The following EDIL3 variants were observed in gnomAD, a reference collection of about 807,000 sequenced individuals.
EDIL3 encodes EGF like and discoidin domains 3.
In EDIL3, 37 loss-of-function variants were observed where a neutral mutation model predicts 67.4. That is an observed-to-expected ratio of 0.55 (90% CI 0.42 to 0.72). EDIL3 has a LOEUF of 0.72. Among genes scored for constraint, EDIL3 ranks in the 30% least tolerant of loss-of-function variants. EDIL3 has a pLI of 0.00. For missense variants in EDIL3, 527 were observed against 586.3 expected (o/e 0.90, Z 1.04); for synonymous variants, 195 against 196.3 (o/e 0.99, Z 0.05).
chr5:84,344,368 T>C lies in EDIL3; in HGVS notation c.67+39940A>G, dbSNP rs144970005. On this transcript the variant is annotated intron_variant, in intron 1 of 10. Transcript: ENST00000296591. The stretch of plus-strand genomic sequence containing the variant: ...AGTCCAATGTTCACCACTAGTCATA[T>C]GTGACTGAGCACATATATTGTGGCA... Among the ~76,000 whole-genome samples, 427 of 152,296 alleles carry C rather than the reference T, an allele frequency of 2.8e-3. 9 individuals carry two copies. Among genetic ancestry groups the C allele is most frequent in the African/African-American group, 9.4e-3 (389 of 41,564 alleles).
chr5:84,197,667 A>AT (rs1554035166), intron 3 of EDIL3, among the ~76,000 whole-genome samples: 6 of 151,728 alleles, frequency 4.0e-5, no homozygotes, highest in South Asian at 2.1e-4. Context: ...CAAAAAAAAA[A>AT]AAGCAAACAA....
At chr5:84,121,281 C>T (rs1747769645) in intron 5 of EDIL3, among the ~76,000 whole-genome samples, 1 of 151,782 alleles carries the variant, frequency 6.6e-6, no homozygotes, top group African/African-American at 2.4e-5. Flanking sequence ...TTTAAAACAA[C>T]AAAAATTAAT....
intron 1 of EDIL3, among the ~76,000 whole-genome samples, chr5:84,291,744 A>ATC (rs1745926075): frequency 7.0e-6 from 1 of 141,920 alleles, no homozygotes; most frequent in African/African-American, 2.8e-5. Context: ...CTATCTATAT[A>ATC]GATATATCTA....
intron 9 of EDIL3, among the ~76,000 whole-genome samples, chr5:83,966,778 A>G (rs542886621): frequency 6.6e-6 from 1 of 152,218 alleles, no homozygotes; most frequent in East Asian, 1.9e-4. Context: ...GTACTATGGA[A>G]GACTTTGGTA....
chr5:84,021,422 A>G (rs1004266256), intron 9 of EDIL3, among the ~76,000 whole-genome samples: 1 of 151,970 alleles, frequency 6.6e-6, no homozygotes, highest in Non-Finnish European at 1.5e-5. Context: ...CACTATTTCA[A>G]GAAATGTTTT....
intron 9 of EDIL3, among the ~76,000 whole-genome samples, chr5:84,030,072 CA>C (rs556792668): frequency 1.4e-4 from 21 of 146,846 alleles, no homozygotes; most frequent in African/African-American, 4.8e-4. Context: ...TAAATGACTC[CA>C]AACATCAGGA....
chr5:84,354,586 G>A (rs182084764), intron 1 of EDIL3, among the ~76,000 whole-genome samples: 232 of 151,694 alleles, frequency 1.5e-3, no homozygotes, highest in African/African-American at 5.1e-3. Context: ...GAACCTGGGA[G>A]GAGGAGGTTG....
intron 1 of EDIL3, among the ~76,000 whole-genome samples, chr5:84,293,886 C>T (rs1419605795): frequency 2.0e-5 from 3 of 150,710 alleles, no homozygotes; most frequent in Admixed American, 1.3e-4. Flanking sequence ...TAATTTCTTG[C>T]AACAAAAGTC....
chr5:84,299,810 TATCTG>T (rs988449398), intron 1 of EDIL3, among the ~76,000 whole-genome samples: 2 of 152,226 alleles, frequency 1.3e-5, no homozygotes, highest in Non-Finnish European at 2.9e-5. Context: ...GAGGTGAACA[TATCTG>T]ATCAGTTAGC....
chr5:84,249,428 TATC>T (rs1323534387), intron 2 of EDIL3, among the ~76,000 whole-genome samples: 5 of 135,208 alleles, frequency 3.7e-5, no homozygotes, highest in South Asian at 2.4e-4. Flanking sequence ...TCTATCTATC[TATC>T]ATCTATTTTT....
intron 1 of EDIL3, among the ~76,000 whole-genome samples, chr5:84,309,709 T>C (rs1486326615): frequency 6.6e-6 from 1 of 152,224 alleles, no homozygotes; most frequent in Non-Finnish European, 1.5e-5. Context: ...TTCCATGGTG[T>C]ATATGTGCCA....
intron 10 of EDIL3, among the ~76,000 whole-genome samples, chr5:83,960,222 A>C (rs1744582876): frequency 6.6e-6 from 1 of 151,120 alleles, no homozygotes; most frequent in African/African-American, 2.4e-5. Flanking sequence ...GCCAATTATC[A>C]TACATTTATA....
rs189327770 is a variant in EDIL3 at position 84,205,361 on chromosome 5, T to A, written c.226+24494A>T. Among the ~76,000 whole-genome samples, 137 of 152,234 alleles carry A rather than the reference T, an allele frequency of 9.0e-4. 1 individual carries two copies. Among genetic ancestry groups the A allele is most frequent in the South Asian group, 3.1e-3 (15 of 4,824 alleles). ...GCATTCAAATAACAAATAAAAATAATGATGGACAGTCATGTGATAAGCCAG... is the reference window on the plus strand; with the variant it reads ...GCATTCAAATAACAAATAAAAATAAAGATGGACAGTCATGTGATAAGCCAG... On this transcript the variant is annotated intron_variant, in intron 3 of 10. Transcript: ENST00000296591.
chr5:84,191,981 G>A (rs1035156871), intron 3 of EDIL3, among the ~76,000 whole-genome samples: 11 of 151,898 alleles, frequency 7.2e-5, no homozygotes, highest in Admixed American at 2.0e-4. Flanking sequence ...AGGCACTTAG[G>A]GTTATAGCCA....
At chr5:84,119,971 TAA>T (rs1000853705) in intron 5 of EDIL3, among the ~76,000 whole-genome samples, 2 of 151,920 alleles carry the variant, frequency 1.3e-5, no homozygotes, top group Non-Finnish European at 2.9e-5. Flanking sequence ...TCTAAGGACA[TAA>T]AGGGGATGTC....
At chr5:84,359,555 T>G (rs1479645292) in intron 1 of EDIL3, among the ~76,000 whole-genome samples, 1 of 152,194 alleles carries the variant, frequency 6.6e-6, no homozygotes, top group Non-Finnish European at 1.5e-5. Context: ...TGCCTTCTGA[T>G]GATGGTTAAA....
chr5:84,132,338 T>C (rs1248310523), intron 5 of EDIL3, among the ~76,000 whole-genome samples: 1 of 89,336 alleles, frequency 1.1e-5, no homozygotes, highest in Admixed American at 1.6e-4. Context: ...TAATATATAT[T>C]ATATATATTT....
chr5:84,166,982 A>C lies in EDIL3; in HGVS notation c.355+13411T>G, dbSNP rs149251414. On this transcript the variant is annotated intron_variant, in intron 4 of 10. Coordinates refer to ENST00000296591, the MANE Select transcript of EDIL3 (RefSeq NM_005711.5). ...ATAAGATCAAGAGAGACGAACAGGA[A>C]CGGGGCATGCCAGGTTATTTTTGTT... is the stretch of plus-strand genomic sequence containing the variant. Among the ~76,000 whole-genome samples, 487 of 152,278 alleles carry C rather than the reference A, an allele frequency of 3.2e-3. 21 individuals carry two copies. The East Asian group carries it at 0.067, about 21-fold the overall frequency.
At chr5:84,064,212 T>C (rs1417183585) in intron 8 of EDIL3, among the ~76,000 whole-genome samples, 3 of 152,112 alleles carry the variant, frequency 2.0e-5, no homozygotes, top group Non-Finnish European at 4.4e-5. Flanking sequence ...AGAAATTAAA[T>C]GTTTCATAAA....
Sources: gnomAD v4.1 joint callset for allele counts (sites outside exome capture counted in the v4.1 genomes callset) on GRCh38, gnomAD v4.1.1 for gene constraint, MANE v1.5 for transcripts, NCBI Gene and HGNC (gene_info 2026-07-23, HGNC 2026-07-21) for gene names.